The following SUPT3H variants were observed in gnomAD, a reference collection of about 807,000 sequenced individuals.
The protein encoded by SUPT3H is SPT3 homolog, SAGA and STAGA complex component, also known as transcription initiation protein SPT3 homolog.
Under a neutral mutation model 44.3 loss-of-function variants are expected in SUPT3H, and 44 were observed. The observed-to-expected ratio is 0.99, with a 90% CI of 0.78 to 1.28. The LOEUF (loss-of-function observed/expected upper bound fraction) is 1.28, where lower values mean the gene tolerates loss of function less well. SUPT3H is among the 50% of genes most tolerant of loss of function. The pLI, the probability that SUPT3H is intolerant of heterozygous loss-of-function variation, is 0.00. For missense variants in SUPT3H, 380 were observed against 387.1 expected (o/e 0.98, Z 0.15); for synonymous variants, 124 against 125.6 (o/e 0.99, Z 0.09).
At chr6:45,068,891 T>C (rs1793897908) in intron 3 of SUPT3H, among the ~76,000 whole-genome samples, 1 of 151,936 alleles carries the variant, frequency 6.6e-6, no homozygotes, top group South Asian at 2.1e-4. Flanking sequence ...TTCGTTCCAT[T>C]GATGTCACTA....
At chr6:45,135,013 C>T (rs533681465) in intron 2 of SUPT3H, among the ~76,000 whole-genome samples, 70 of 152,282 alleles carry the variant, frequency 4.6e-4, no homozygotes, top group African/African-American at 1.5e-3. Context: ...ATTCTGTGCA[C>T]CTGCAGAATT....
At chr6:45,145,659 T>C (rs1291635949) in intron 2 of SUPT3H, among the ~76,000 whole-genome samples, 1 of 151,760 alleles carries the variant, frequency 6.6e-6, no homozygotes, top group Non-Finnish European at 1.5e-5. Context: ...AAAATAAAGA[T>C]AAATAGATGG....
chr6:45,001,459 A>G (rs764291441), intron 6 of SUPT3H, among the ~76,000 whole-genome samples: 1 of 152,054 alleles, frequency 6.6e-6, no homozygotes, highest in Non-Finnish European at 1.5e-5. Flanking sequence ...AGATTTTTTT[A>G]TATTTCAAGT....
chr6:45,244,556 T>G (rs528064471), intron 2 of SUPT3H, among the ~76,000 whole-genome samples: 1 of 152,328 alleles, frequency 6.6e-6, no homozygotes. Flanking sequence ...AAACTGGTGC[T>G]GTCCACACAA....
At chr6:45,094,630 A>G (rs967991784) in intron 3 of SUPT3H, among the ~76,000 whole-genome samples, 6 of 152,132 alleles carry the variant, frequency 3.9e-5, no homozygotes, top group African/African-American at 1.4e-4. Context: ...GAGGCATTCT[A>G]CACAGAATAT....
intron 6 of SUPT3H, among the ~76,000 whole-genome samples, chr6:44,986,706 A>G (rs892990840): frequency 1.1e-4 from 16 of 152,228 alleles, no homozygotes; most frequent in African/African-American, 3.9e-4. Context: ...TATTTTCATT[A>G]TTTGTTTATA....
At chr6:45,038,030 A>C (rs1787948175) in intron 3 of SUPT3H, among the ~76,000 whole-genome samples, 1 of 152,220 alleles carries the variant, frequency 6.6e-6, no homozygotes, top group African/African-American at 2.4e-5. Flanking sequence ...ACTGGGGCTC[A>C]TAGACTTTCT....
At chr6:45,172,969 G>A (rs1388331328) in intron 2 of SUPT3H, among the ~76,000 whole-genome samples, 1 of 152,080 alleles carries the variant, frequency 6.6e-6, no homozygotes, top group African/African-American at 2.4e-5. Flanking sequence ...ATATCAATGA[G>A]ACAAAAAGTC....
chr6:45,141,986 G>A (rs1254693999), intron 2 of SUPT3H, among the ~76,000 whole-genome samples: 1 of 152,192 alleles, frequency 6.6e-6, no homozygotes, highest in Non-Finnish European at 1.5e-5. Context: ...CTTAAGATCT[G>A]TGAGACAAAA....
intron 2 of SUPT3H, among the ~76,000 whole-genome samples, chr6:45,285,625 T>A (rs1779092260): frequency 6.6e-6 from 1 of 152,156 alleles, no homozygotes; most frequent in South Asian, 2.1e-4. Flanking sequence ...CATTCCATGC[T>A]CATGGGTAGG....
intron 2 of SUPT3H, among the ~76,000 whole-genome samples, chr6:45,347,798 CTGTT>C (rs71852451): frequency 0.17 from 25,948 of 151,494 alleles, 3,295 homozygotes; most frequent in African/African-American, 0.36. Flanking sequence ...CATTAAAACA[CTGTT>C]TGTCTATTTA....
chr6:44,955,512 G>C (rs1425293198), intron 7 of SUPT3H: 1 of 152,210 alleles, frequency 6.6e-6, no homozygotes, highest in African/African-American at 2.4e-5. Flanking sequence ...TAATGCCCCT[G>C]GCAACGGTAA....
At chr6:44,823,094 T>C (rs1326888850), downstream of SUPT3H, among the ~76,000 whole-genome samples, 2 of 112,802 alleles carry the variant, frequency 1.8e-5, no homozygotes, top group South Asian at 3.4e-4. Flanking sequence ...AGAATGAGAC[T>C]CCGTTTCAAA....
intron 9 of SUPT3H, among the ~76,000 whole-genome samples, chr6:44,938,223 CTT>C (rs1317454722): frequency 2.6e-5 from 4 of 151,608 alleles, no homozygotes; most frequent in Non-Finnish European, 5.9e-5. Flanking sequence ...ATCTTTAAGT[CTT>C]TATTCCATCT....
downstream of SUPT3H, among the ~76,000 whole-genome samples, chr6:44,825,581 AG>A (rs1767679947): frequency 1.3e-5 from 2 of 152,250 alleles, no homozygotes; most frequent in Non-Finnish European, 2.9e-5. Context: ...TGTGGGCAAC[AG>A]GGCATATCTG....
intron 2 of SUPT3H, among the ~76,000 whole-genome samples, chr6:45,110,682 T>C (rs982701775): frequency 6.6e-6 from 1 of 152,164 alleles, no homozygotes; most frequent in African/African-American, 2.4e-5. Flanking sequence ...TACCCAAATA[T>C]AGCAATACTC....
Position 45,295,092 on chromosome 6 carries a change from C to G in SUPT3H, c.101+70109G>C, listed in dbSNP as rs540305378. Among the ~76,000 whole-genome samples the G allele has an allele frequency of 5.3e-5, 8 of 152,182 alleles. 1 individual carries two copies. The South Asian group carries it at 1.7e-3, about 32-fold the overall frequency. ...CTGGAGGCATCACATTACCTGATTT[C>G]AAACTATACTATTAGGCTATAGTCA... On this transcript the variant is annotated intron_variant, in intron 2 of 10. Coordinates refer to ENST00000371459, the MANE Select transcript of SUPT3H (RefSeq NM_003599.4).
At chr6:45,027,408 A>G (rs887295208) in intron 3 of SUPT3H, among the ~76,000 whole-genome samples, 1 of 152,184 alleles carries the variant, frequency 6.6e-6, no homozygotes, top group African/African-American at 2.4e-5. Flanking sequence ...TGATGAGCAT[A>G]GTTATGATAG....
intron 11 of SUPT3H, among the ~76,000 whole-genome samples, chr6:44,816,409 C>A (rs1766913607): frequency 6.6e-6 from 1 of 152,152 alleles, no homozygotes; most frequent in Admixed American, 6.6e-5. Flanking sequence ...TCAAAACTCT[C>A]TCAAGAAGAA....
Sources: gnomAD v4.1 joint callset for allele counts (sites outside exome capture counted in the v4.1 genomes callset) on GRCh38, gnomAD v4.1.1 for gene constraint, MANE v1.5 for transcripts, NCBI Gene and HGNC (gene_info 2026-07-23, HGNC 2026-07-21) for gene names.